Variants in PDGFRA observed in about 807,000 individuals in gnomAD.
PDGFRA encodes platelet-derived growth factor receptor alpha.
In PDGFRA, 25 loss-of-function variants were observed where a neutral mutation model predicts 121.5. That is an observed-to-expected ratio of 0.21 (90% CI 0.15 to 0.29). The LOEUF (loss-of-function observed/expected upper bound fraction) is 0.29. Ranked by LOEUF, PDGFRA falls within the 10% of genes least tolerant of loss-of-function variation. PDGFRA has a pLI of 1.00. For synonymous variants in PDGFRA, 463 were observed against 494.8 expected, an observed-to-expected ratio of 0.94 and a Z score of 0.85; for missense variants, 1,008 against 1,345.1, an observed-to-expected ratio of 0.75 and a Z score of 3.92.
chr4:54,247,131 A>G (rs1721726077), intron 1 of PDGFRA, among the ~76,000 whole-genome samples: 1 of 152,218 alleles, frequency 6.6e-6, no homozygotes, highest in African/African-American at 2.4e-5. Flanking sequence ...GCCGAATTCT[A>G]CCAGAGGTAC....
chr4:54,280,760 T>TAAA (rs907904289), intron 16 of PDGFRA: 182 of 208,504 alleles, frequency 8.7e-4, no homozygotes, highest in Middle Eastern at 1.8e-3. Context: ...AAACATTTTT[T>TAAA]AAAAAAAATA....
intron 12 of PDGFRA, among the ~76,000 whole-genome samples, chr4:54,276,151 C>T (rs186613628): frequency 1.1e-3 from 164 of 149,428 alleles, no homozygotes; most frequent in Admixed American, 2.7e-3. Context: ...GGAACTGACT[C>T]AGTGCAAGAG....
rs200309940 is a variant in PDGFRA at position 54,273,597 on chromosome 4, G to A, written c.1425G>A (p.Glu475=). ...ACAATGTCTCAAACATCATCACGGA[G>A]ATCCACTCCCGAGACAGGAGTACCG... ...LANNVSNIIT[E]IHSRDRSTVE... is the part of the protein sequence containing the mutation. Residue 475 remains glutamate, a synonymous_variant, in exon 10 of 23, where the codon GAG becomes GAA. Coordinates refer to ENST00000257290, the MANE Select transcript of PDGFRA (RefSeq NM_006206.6). 2 of 1,614,074 alleles carry A rather than the reference G, an allele frequency of 1.2e-6. No individual in the cohort carries two copies. The highest frequency in any genetic ancestry group is 2.2e-5 in the East Asian group (1 of 44,866).
intron 22 of PDGFRA, among the ~76,000 whole-genome samples, chr4:54,294,763 C>T (rs1396366109): frequency 6.6e-6 from 1 of 152,174 alleles, no homozygotes; most frequent in Non-Finnish European, 1.5e-5. Context: ...GGCCTGGCTG[C>T]AGCTTGCACC....
At chr4:54,289,281 T>A (rs757132149) in intron 21 of PDGFRA, among the ~76,000 whole-genome samples, 167 bp downstream of exon 21, 5 of 152,338 alleles carry the variant, frequency 3.3e-5, no homozygotes, top group Non-Finnish European at 5.9e-5. Flanking sequence ...GTAGCAATGA[T>A]GAATGAAAAC....
At chr4:54,245,482 G>C (rs1000083286) in intron 1 of PDGFRA, among the ~76,000 whole-genome samples, 3 of 152,020 alleles carry the variant, frequency 2.0e-5, no homozygotes, top group Non-Finnish European at 4.4e-5. Context: ...AAGTGAAGGA[G>C]AAATAAAATA....
chr4:54,260,869 A>G (rs556148653), intron 2 of PDGFRA, among the ~76,000 whole-genome samples: 94 of 152,218 alleles, frequency 6.2e-4, no homozygotes, highest in African/African-American at 2.0e-3. Flanking sequence ...GAGTGTTTGG[A>G]GGGGTGAATC....
chr4:54,272,628 T>C, intron 9 of PDGFRA, 108 bp downstream of exon 9: 1 of 1,242,644 alleles, frequency 8.0e-7, no homozygotes, highest in African/African-American at 1.5e-5. Flanking sequence ...GGGTTTTGGG[T>C]GTGATAGCTT....
At chr4:54,271,953 A>T (rs1349368685) in intron 8 of PDGFRA, among the ~76,000 whole-genome samples, 5 of 7,376 alleles carry the variant, frequency 6.8e-4, no homozygotes, top group African/African-American at 6.6e-4. Context: ...TCCTTCCTTC[A>T]TTCTCCCCTC....
chr4:54,284,389 G>T (rs1724208444), intron 16 of PDGFRA, among the ~76,000 whole-genome samples: 1 of 152,006 alleles, frequency 6.6e-6, no homozygotes, highest in Non-Finnish European at 1.5e-5. Flanking sequence ...TTGCTATAAA[G>T]AAATACCTGA....
At chr4:54,236,337 G>T (rs1184510786) in intron 1 of PDGFRA, among the ~76,000 whole-genome samples, 1 of 152,236 alleles carries the variant, frequency 6.6e-6, no homozygotes, top group African/African-American at 2.4e-5. Context: ...AGCATTTAGA[G>T]TAGATAAAAG....
chr4:54,267,769 CT>C (rs760621844), intron 7 of PDGFRA, 28 bp downstream of exon 7: 8 of 1,592,900 alleles, frequency 5.0e-6, no homozygotes, highest in Non-Finnish European at 6.9e-6. Flanking sequence ...CCAAGTATGC[CT>C]TTTTTTAGTG....
At chr4:54,248,035 A>G (rs1275168625) in intron 1 of PDGFRA, among the ~76,000 whole-genome samples, 1 of 152,220 alleles carries the variant, frequency 6.6e-6, no homozygotes, top group African/African-American at 2.4e-5. Flanking sequence ...CTCTTCAAGA[A>G]CTACAAACCA....
At chr4:54,273,426 G>T in intron 9 of PDGFRA, 111 bp from the exon 10 acceptor site, 1 of 844,430 alleles carries the variant, frequency 1.2e-6, no homozygotes, top group Non-Finnish European at 2.0e-6. Context: ...GTATTGCCCC[G>T]AAATGCAGAC....
chr4:54,264,515 A>G (rs67279506), intron 4 of PDGFRA: 45,566 of 279,942 alleles, frequency 0.16, 4,544 homozygotes, highest in Admixed American at 0.3. Context: ...ACTGAGGAGC[A>G]GAGTGGAAGA....
chr4:54,284,868 A>ATTCT (rs1724251026), intron 16 of PDGFRA, among the ~76,000 whole-genome samples: 2 of 130,484 alleles, frequency 1.5e-5, no homozygotes, highest in African/African-American at 5.7e-5. Flanking sequence ...CCTTTCTTTC[A>ATTCT]TTCTTTCTAT....
chr4:54,229,658 C>T (rs1720550414), intron 1 of PDGFRA, among the ~76,000 whole-genome samples: 1 of 151,814 alleles, frequency 6.6e-6, no homozygotes, highest in Non-Finnish European at 1.5e-5. Flanking sequence ...ATTTTCCAGA[C>T]CTATTTTTAA....
At chr4:54,234,144 G>T (rs988787236) in intron 1 of PDGFRA, among the ~76,000 whole-genome samples, 1 of 152,212 alleles carries the variant, frequency 6.6e-6, no homozygotes, top group Non-Finnish European at 1.5e-5. Flanking sequence ...AAGCCCCGCT[G>T]CCCCGGCGCA....
intron 1 of PDGFRA, among the ~76,000 whole-genome samples, chr4:54,234,268 A>G (rs1720882959): frequency 6.6e-6 from 1 of 152,030 alleles, no homozygotes; most frequent in South Asian, 2.1e-4. Flanking sequence ...ATTTCTGCTT[A>G]AACCCCGCGG....
Sources: allele counts gnomAD v4.1 joint callset (sites outside exome capture counted in the v4.1 genomes callset), GRCh38; gene constraint gnomAD v4.1.1; transcripts MANE v1.5; gene names NCBI Gene and HGNC (gene_info 2026-07-23, HGNC 2026-07-21).